Variants in NTM observed in about 807,000 individuals in gnomAD.
The protein encoded by NTM is IgLON family member 2.
A neutral mutation model predicts 42.1 loss-of-function variants in NTM; 13 were observed. That is an observed-to-expected ratio of 0.31 (90% CI 0.20 to 0.49). The LOEUF (loss-of-function observed/expected upper bound fraction) is 0.49, where lower values mean the gene tolerates loss of function less well. Ranked by LOEUF, NTM falls within the 20% of genes least tolerant of loss-of-function variation. The pLI, the probability that NTM is intolerant of heterozygous loss-of-function variation, is 0.99. For missense variants in NTM, 373 were observed against 452.8 expected (o/e 0.82, Z 1.60); for synonymous variants, 187 against 179.2 (o/e 1.04, Z -0.35).
At chr11:132,309,648 G>A (rs768016522) in intron 5 of NTM, among the ~76,000 whole-genome samples, 2 of 152,094 alleles carry the variant, frequency 1.3e-5, no homozygotes, top group African/African-American at 2.4e-5. Flanking sequence ...TTCTTAGAGC[G>A]GCATCAAAAA....
Position 132,023,190 on chromosome 11 carries a change from T to C in NTM, c.167+111542T>C, listed in dbSNP as rs114253793. Among the ~76,000 whole-genome samples, 718 of 152,318 alleles carry C rather than the reference T, an allele frequency of 4.7e-3. 9 individuals are homozygous for C. The highest frequency in any genetic ancestry group is 0.016 in the African/African-American group (683 of 41,590). ...TGCCGCCTGGGCATGTTATATCTCATGGGGGACTGTGGGACATTATCTCCA... is the reference window on the plus strand; with the variant it reads ...TGCCGCCTGGGCATGTTATATCTCACGGGGGACTGTGGGACATTATCTCCA... On this transcript the variant is annotated intron_variant, in intron 2 of 8. Coordinates refer to ENST00000683400, the MANE Select transcript of NTM (RefSeq NM_001352005.2).
At chr11:132,242,600 G>T (rs1205656842) in intron 4 of NTM, among the ~76,000 whole-genome samples, 1 of 152,190 alleles carries the variant, frequency 6.6e-6, no homozygotes, top group Non-Finnish European at 1.5e-5. Context: ...GCCTGGGCTG[G>T]GTTTGCACCG....
chr11:132,190,759 CAGAT>C (rs1206452332), intron 3 of NTM, among the ~76,000 whole-genome samples: 1 of 145,422 alleles, frequency 6.9e-6, no homozygotes, highest in Non-Finnish European at 1.5e-5. Flanking sequence ...AAAAAAGAGA[CAGAT>C]AGCAGATCAG....
intron 1 of NTM, among the ~76,000 whole-genome samples, chr11:131,550,047 G>A (rs1415786975): frequency 6.6e-6 from 1 of 152,188 alleles, no homozygotes; most frequent in East Asian, 1.9e-4. Flanking sequence ...TCTGGGATGA[G>A]AATCGCATGA....
intron 2 of NTM, among the ~76,000 whole-genome samples, chr11:132,095,146 G>A (rs941812720): frequency 6.6e-5 from 10 of 152,186 alleles, no homozygotes; most frequent in Non-Finnish European, 1.5e-4. Context: ...CACCTACTTT[G>A]TGGCTGCAGT....
In NTM at chr11:132,146,495, G is replaced by A. The variant is rs2070440052; in HGVS notation, c.381G>A (p.Arg127=). 2.5e-6 allele frequency: 4 copies of A among 1,614,136 alleles called. No individual in the cohort carries two copies. The highest frequency in any genetic ancestry group is 3.4e-6 in the Non-Finnish European group (4 of 1,180,022). The part of the protein sequence containing the change: ...VQTDNHPKTS[R]VHLIVQVSPK... ...CAGACAACCACCCAAAGACCTCTAGGGTCCACCTCATTGTGCAAGGTAGGT... is the reference window on the plus strand; with the variant it reads ...CAGACAACCACCCAAAGACCTCTAGAGTCCACCTCATTGTGCAAGGTAGGT... Residue 127 remains arginine, a synonymous_variant, in exon 3 of 9, where the codon AGG becomes AGA. Transcript: ENST00000683400. This position sits in a 1 kb window ranked among gnomAD's most constrained non-coding sequence, Gnocchi z 4.5.
rs537703532 is a variant in NTM, at chr11:131,698,768, T to G, written c.83-212796T>G. On this transcript the variant is annotated intron_variant, in intron 1 of 8. Coordinates refer to ENST00000683400, the MANE Select transcript of NTM (RefSeq NM_001352005.2). Reference sequence around the variant, plus strand: ...TGCCAGGCTTCCTTGTTAGGAGTATTCTTCTCATGAAATTCTACTGATTTC... The same window carrying G: ...TGCCAGGCTTCCTTGTTAGGAGTATGCTTCTCATGAAATTCTACTGATTTC... Among the ~76,000 whole-genome samples the G allele has an allele frequency of 5.9e-5, 9 of 152,324 alleles. No homozygotes were observed. In the South Asian group the frequency reaches 1.7e-3, roughly 28 times the overall value.
At chr11:131,715,150 T>C (rs2077557058) in intron 1 of NTM, among the ~76,000 whole-genome samples, 4 of 152,184 alleles carry the variant, frequency 2.6e-5, no homozygotes, top group African/African-American at 2.4e-5. Context: ...ACCTCAGATA[T>C]GGTGGCTTAA....
At chr11:131,790,153 A>G (rs1441343668) in intron 1 of NTM, among the ~76,000 whole-genome samples, 1 of 152,136 alleles carries the variant, frequency 6.6e-6, no homozygotes, top group Admixed American at 6.6e-5. Flanking sequence ...GAAGTTTAAT[A>G]TGCAAATAAA....
At chr11:132,111,937 C>T (rs1326288442) in intron 2 of NTM, among the ~76,000 whole-genome samples, 2 of 152,266 alleles carry the variant, frequency 1.3e-5, no homozygotes, top group Admixed American at 6.5e-5. Context: ...TTGATTCTCG[C>T]ATAGGCGTTT....
At chr11:131,745,347 A>T in intron 1 of NTM, among the ~76,000 whole-genome samples, 1 of 152,146 alleles carries the variant, frequency 6.6e-6, no homozygotes, top group East Asian at 1.9e-4. Flanking sequence ...CTCATCTTTT[A>T]ACTGGGGAGG....
chr11:131,942,352 T>C (rs1042036560), intron 2 of NTM, among the ~76,000 whole-genome samples: 2 of 152,204 alleles, frequency 1.3e-5, no homozygotes, highest in Non-Finnish European at 2.9e-5. Context: ...GACTCCCTTC[T>C]TCCTGTGATC....
intron 4 of NTM, among the ~76,000 whole-genome samples, chr11:132,232,933 C>A (rs547356542): frequency 6.6e-6 from 1 of 152,156 alleles, no homozygotes; most frequent in African/African-American, 2.4e-5. Context: ...TTCTCATTAT[C>A]GTTTGCTAAC....
At chr11:131,601,594 T>G (rs1394461235) in intron 1 of NTM, among the ~76,000 whole-genome samples, 1 of 152,208 alleles carries the variant, frequency 6.6e-6, no homozygotes, top group South Asian at 2.1e-4. Context: ...TCTCCTTTTT[T>G]TTTTTTAAGG....
intron 2 of NTM, among the ~76,000 whole-genome samples, chr11:132,012,213 A>T (rs2072360472): frequency 6.6e-6 from 1 of 152,230 alleles, no homozygotes; most frequent in African/African-American, 2.4e-5. Context: ...AAAGAACGAT[A>T]GAAGACAGTA....
At chr11:131,575,806 T>A (rs1163589834) in intron 1 of NTM, among the ~76,000 whole-genome samples, 2 of 152,168 alleles carry the variant, frequency 1.3e-5, no homozygotes, top group African/African-American at 4.8e-5. Flanking sequence ...CATTTACCTC[T>A]AACGAACTAA....
intron 1 of NTM, among the ~76,000 whole-genome samples, chr11:131,683,004 G>A (rs1482041336): frequency 3.3e-5 from 5 of 152,124 alleles, no homozygotes; most frequent in Non-Finnish European, 7.3e-5. Flanking sequence ...TCTCTATCAC[G>A]CAAGCACGTG....
Position 131,382,575 on chromosome 11 carries a change from C to T in NTM, c.82+11687C>T, listed in dbSNP as rs529217004. ...CCTAATGAATCTATGTGGAACAAAA[C>T]TTTGCCCCTCCCTAAGTTTTGCCTT... On this transcript the variant is annotated intron_variant, in intron 1 of 8. Transcript: ENST00000683400. 5.3e-5 allele frequency among the ~76,000 whole-genome samples: 8 copies of T among 152,266 alleles called. No homozygotes were observed. In the South Asian group the frequency reaches 1.2e-3, roughly 24 times the overall value.
intron 1 of NTM, among the ~76,000 whole-genome samples, chr11:131,459,696 T>C (rs1951204116): frequency 6.6e-6 from 1 of 152,176 alleles, no homozygotes; most frequent in South Asian, 2.1e-4. Flanking sequence ...GTGGGTGAAT[T>C]TGTACCTAGT....
Sources: allele counts gnomAD v4.1 joint callset (sites outside exome capture counted in the v4.1 genomes callset), GRCh38; gene constraint gnomAD v4.1.1; non-coding constraint Gnocchi (gnomAD v3.1); transcripts MANE v1.5; gene names NCBI Gene and HGNC (gene_info 2026-07-23, HGNC 2026-07-21).